SMCHD1: variants seen among roughly 807,000 people sequenced by gnomAD.
SMCHD1 encodes structural maintenance of chromosomes flexible hinge domain containing 1.
In SMCHD1, 78 loss-of-function variants were observed where a neutral mutation model predicts 254.7. The ratio of observed to expected loss-of-function variants is 0.31; its 90% CI spans 0.26 to 0.37. SMCHD1 has a LOEUF of 0.37. Among genes scored for constraint, SMCHD1 ranks in the 10% least tolerant of loss-of-function variants. The pLI, the probability that SMCHD1 is intolerant of heterozygous loss-of-function variation, is 1.00. For synonymous variants in SMCHD1, 766 were observed against 794.9 expected, an observed-to-expected ratio of 0.96 and a Z score of 0.61; for missense variants, 1,840 against 2,408.1, an observed-to-expected ratio of 0.76 and a Z score of 4.94.
At chr18:2,800,396 G>A (rs1391060911) in intron 47 of SMCHD1, 2 of 152,184 alleles carry the variant, frequency 1.3e-5, no homozygotes, top group African/African-American at 4.8e-5. Flanking sequence ...TTGGCTTTTG[G>A]TAGTTGCTGG....
At position 2,750,108 on chromosome 18, in the gene SMCHD1, T is replaced by C; in HGVS notation, c.3993T>C (p.Ser1331=). 1 of 1,580,734 alleles carries C rather than the reference T, an allele frequency of 6.3e-7. No homozygotes were observed. ...GCAGGGCTAATTTGGGAGTATTCAG[T>C]GTTTTTGCCCCTAGGTAAGAACCAA... ...EKGRANLGVF[S]VFAPRGEHTL... Residue 1331 remains serine, a synonymous_variant, in exon 31 of 48, where the codon AGT becomes AGC. Coordinates refer to ENST00000320876, the MANE Select transcript of SMCHD1 (RefSeq NM_015295.3).
At chr18:2,715,431 T>A (rs886906341) in intron 17 of SMCHD1, among the ~76,000 whole-genome samples, 1 of 151,794 alleles carries the variant, frequency 6.6e-6, no homozygotes, top group Non-Finnish European at 1.5e-5. Flanking sequence ...TGAATTTTTT[T>A]ATTACAGAAG....
rs1167921048 is a variant in SMCHD1, at chr18:2,689,852, TAAA to T, written c.873+1128_873+1130del. Among the ~76,000 whole-genome samples, 190 of 72,510 alleles carry T rather than the reference TAAA, an allele frequency of 2.6e-3. 1 individual carries two copies. Among genetic ancestry groups the T allele is most frequent in the East Asian group, 4.7e-3 (12 of 2,558 alleles). The allele number at this position is 72,510 out of a possible 152,430, so 47.6% of individuals were successfully genotyped here. A position where few individuals can be genotyped will look rare whatever the true frequency, so the allele number is the denominator to read the frequency against. On this transcript the variant is annotated intron_variant, in intron 7 of 47. Transcript: ENST00000320876. ...GTAACATAGGAGACCTTGTCTCTACTAAAAAAAAAAAAAAAAAAAAAAAAAGCC... is the reference window on the plus strand; with the variant it reads ...GTAACATAGGAGACCTTGTCTCTACTAAAAAAAAAAAAAAAAAAAAAAGCC...
chr18:2,719,877 G>A (rs1346126908), intron 19 of SMCHD1, among the ~76,000 whole-genome samples: 1 of 152,118 alleles, frequency 6.6e-6, no homozygotes, highest in East Asian at 1.9e-4. Flanking sequence ...GTTTCTTCAT[G>A]TTGGTGAGGC....
Position 2,743,872 on chromosome 18 carries a change from C to T in SMCHD1, c.3745C>T (p.Leu1249=). The part of the protein sequence containing the change: ...REFSDFIRVQ[L]ISGPPAKLLL... Reference sequence around the variant, plus strand: ...GTTTTCTGACTTTATTCGAGTGCAACTAATTTCTGGACCTCCTGCTAAACT... The same window carrying T: ...GTTTTCTGACTTTATTCGAGTGCAATTAATTTCTGGACCTCCTGCTAAACT... Residue 1249 remains leucine, a synonymous_variant, in exon 29 of 48, where the codon CTA becomes TTA. Transcript: ENST00000320876. 1 of 1,613,214 alleles carries T rather than the reference C, an allele frequency of 6.2e-7. No homozygotes were observed. Among genetic ancestry groups the T allele is most frequent in the Non-Finnish European group, 8.5e-7 (1 of 1,179,564 alleles).
At chr18:2,799,697 G>A (rs1220681787) in intron 47 of SMCHD1, among the ~76,000 whole-genome samples, 3 of 152,098 alleles carry the variant, frequency 2.0e-5, no homozygotes, top group Non-Finnish European at 2.9e-5. Flanking sequence ...TTAAAATCAC[G>A]TGAAGTGTTA....
chr18:2,718,908 A>AT lies in SMCHD1; in HGVS notation c.2458+478dup, dbSNP rs769568889. Among the ~76,000 whole-genome samples the AT allele has an allele frequency of 6.6e-6, 1 of 152,030 alleles. No individual in the cohort carries two copies. The highest frequency in any genetic ancestry group is 1.5e-5 in the Non-Finnish European group (1 of 67,994). On this transcript the variant is annotated intron_variant, in intron 19 of 47. Coordinates refer to ENST00000320876, the MANE Select transcript of SMCHD1 (RefSeq NM_015295.3). The surrounding 1 kb of genome is among the most constrained non-coding windows in gnomAD (Gnocchi z 4.6). Reference sequence around the variant, plus strand: ...TACTCGATAATCATATTCCTTCTGAATTTTGAAGACATTGTTTTCTACTTT... The same window carrying AT: ...TACTCGATAATCATATTCCTTCTGAATTTTTGAAGACATTGTTTTCTACTTT...
At chr18:2,761,498 G>A (rs996124556) in intron 35 of SMCHD1, among the ~76,000 whole-genome samples, 18 of 152,152 alleles carry the variant, frequency 1.2e-4, no homozygotes, top group African/African-American at 4.3e-4. Flanking sequence ...GTTCAAGGCA[G>A]TTTAAATACA....
intron 8 of SMCHD1, among the ~76,000 whole-genome samples, chr18:2,695,331 C>T (rs1435539729): frequency 2.2e-4 from 32 of 142,408 alleles, no homozygotes; most frequent in African/African-American, 7.7e-4. Context: ...TTTTTTGAGA[C>T]GGAGTTTCAC....
intron 12 of SMCHD1, 43 bp from the exon 13 acceptor site, chr18:2,703,649 T>G (rs1180789128): frequency 2.1e-6 from 3 of 1,455,090 alleles, no homozygotes; most frequent in Non-Finnish European, 1.9e-6. Context: ...TTATATTTGT[T>G]TGCTAGTAGC....
chr18:2,675,015 G>T (rs995869922), intron 5 of SMCHD1, among the ~76,000 whole-genome samples: 1 of 152,184 alleles, frequency 6.6e-6, no homozygotes, highest in African/African-American at 2.4e-5. Flanking sequence ...TGTATCATTT[G>T]AACCTGGTTT....
Position 2,742,345 on chromosome 18 carries a change from A to G in SMCHD1, c.3634-1416A>G, listed in dbSNP as rs555109470. 5.9e-5 allele frequency among the ~76,000 whole-genome samples: 9 copies of G among 152,284 alleles called. No homozygotes were observed. In the East Asian group the frequency reaches 1.4e-3, roughly 23 times the overall value. On this transcript the variant is annotated intron_variant, in intron 28 of 47. Transcript: ENST00000320876. The stretch of plus-strand genomic sequence containing the variant: ...GTTTGTACCCATCTACAATTTGTAA[A>G]TGCAATTTCATTTCTAAGATTTGAA...
intron 34 of SMCHD1, among the ~76,000 whole-genome samples, chr18:2,755,573 T>C (rs138635876): frequency 9.9e-6 from 1 of 100,980 alleles, no homozygotes; most frequent in Admixed American, 1.1e-4. Context: ...TTCTTTTTTT[T>C]TTTTTTTTTT....
chr18:2,756,443 TA>T (rs375526727), intron 34 of SMCHD1, among the ~76,000 whole-genome samples: 3 of 152,294 alleles, frequency 2.0e-5, no homozygotes, highest in African/African-American at 7.2e-5. Context: ...ATTCCTTCCT[TA>T]AATGGTGATA....
chr18:2,773,258 A>G (rs1021558043), intron 41 of SMCHD1, among the ~76,000 whole-genome samples: 1 of 152,232 alleles, frequency 6.6e-6, no homozygotes, highest in African/African-American at 2.4e-5. Context: ...GCTAATATAC[A>G]ATGTTTTAAA....
Position 2,792,517 on chromosome 18 carries a change from CA to C in SMCHD1, c.5720-3431del, listed in dbSNP as rs746019849. 1.1e-4 allele frequency among the ~76,000 whole-genome samples: 17 copies of C among 152,302 alleles called. 1 individual carries two copies. In the South Asian group the frequency reaches 3.5e-3, roughly 32 times the overall value. On this transcript the variant is annotated intron_variant, in intron 45 of 47. Coordinates refer to ENST00000320876, the MANE Select transcript of SMCHD1 (RefSeq NM_015295.3). Reference sequence around the variant, plus strand: ...TGACTGCACAGGGTTCAGTAGTATCCACTGGGGGTTTCAGACATCCACTGGG... The same window carrying C: ...TGACTGCACAGGGTTCAGTAGTATCCCTGGGGGTTTCAGACATCCACTGGG...
intron 17 of SMCHD1, among the ~76,000 whole-genome samples, chr18:2,717,590 C>G (rs1362009488): frequency 6.6e-6 from 1 of 152,222 alleles, no homozygotes; most frequent in Non-Finnish European, 1.5e-5. Context: ...GCTGCGATTA[C>G]AGGCATGAGC....
chr18:2,771,876 G>A (rs762803512), intron 40 of SMCHD1, among the ~76,000 whole-genome samples: 4 of 152,102 alleles, frequency 2.6e-5, no homozygotes, highest in Non-Finnish European at 5.9e-5. Flanking sequence ...CATTGAAAAG[G>A]CTGCATAACC....
At chr18:2,726,301 C>T (rs986916191) in intron 21 of SMCHD1, 151 bp from the exon 22 acceptor site, 61 of 407,186 alleles carry the variant, frequency 1.5e-4, no homozygotes, top group African/African-American at 1.2e-3. Context: ...TTTCTGACTC[C>T]ATATATGATA....
Sources: gnomAD v4.1 joint callset for allele counts (sites outside exome capture counted in the v4.1 genomes callset) on GRCh38, gnomAD v4.1.1 for gene constraint, Gnocchi (gnomAD v3.1) non-coding constraint, MANE v1.5 for transcripts, NCBI Gene and HGNC (gene_info 2026-07-23, HGNC 2026-07-21) for gene names.